Variants in BAIAP3 observed in about 807,000 individuals in gnomAD.
BAIAP3 encodes the protein BAI1 associated protein 3, also known as BAI1-associated protein 3.
In BAIAP3, 180 loss-of-function variants were observed where a neutral mutation model predicts 149.7. That is an observed-to-expected ratio of 1.20 (90% CI 1.07 to 1.36). BAIAP3 has a LOEUF of 1.36. Among genes scored for constraint, BAIAP3 ranks in the 40% most tolerant of loss-of-function variants. The pLI, the probability that BAIAP3 is intolerant of heterozygous loss-of-function variation, is 0.00. For missense variants in BAIAP3, 1,767 were observed against 1,563.4 expected (o/e 1.13, Z -2.20); for synonymous variants, 845 against 670.7 (o/e 1.26, Z -4.02).
Position 1,347,605 on chromosome 16 carries a change from T to C in BAIAP3, c.2884T>C (p.Tyr962His). ...CSTRECIEQFYLDKLKQRTLE... is the reference protein window; with the variant it reads ...CSTRECIEQFHLDKLKQRTLE... ...CACCCGCGAGTGCATCGAGCAGTTCTACCTGGACAAGCTCAAACAGGTAGG... is the reference window on the plus strand; with the variant it reads ...CACCCGCGAGTGCATCGAGCAGTTCCACCTGGACAAGCTCAAACAGGTAGG... Residue 962 changes from tyrosine to histidine, a missense_variant, in exon 30 of 34, where the codon TAC becomes CAC. Coordinates refer to ENST00000426824, the MANE Select transcript of BAIAP3 (RefSeq NM_001199097.2). The C allele has an allele frequency of 6.2e-7, 1 of 1,613,048 alleles. No individual in the cohort carries two copies. Among genetic ancestry groups the C allele is most frequent in the Non-Finnish European group, 8.5e-7 (1 of 1,179,962 alleles).
rs112778651 is a variant in BAIAP3, at chr16:1,337,874, C to G, written c.-10-666C>G. On this transcript the variant is annotated intron_variant, in intron 1 of 33. Coordinates refer to ENST00000426824, the MANE Select transcript of BAIAP3 (RefSeq NM_001199097.2). ...CCCTGCTTTGTGGGGACACTGCCCCCCACCTTCTACTGTCCACCTCAGGTT... is the reference window on the plus strand; with the variant it reads ...CCCTGCTTTGTGGGGACACTGCCCCGCACCTTCTACTGTCCACCTCAGGTT... Among the ~76,000 whole-genome samples the G allele has an allele frequency of 1.2e-4, 18 of 152,290 alleles. 1 individual carries two copies. The highest frequency in any genetic ancestry group is 4.3e-4 in the African/African-American group (18 of 41,564).
In BAIAP3 at chr16:1,341,504, C is replaced by A; in HGVS notation, c.731+15C>A. On this transcript the variant is annotated intron_variant, in intron 8 of 33. Transcript: ENST00000426824. Reference sequence around the variant, plus strand: ...CACTTCCTCTTGTGAGGCCCTCGCCCGTCTGGGTGCGGGAGGGGGGCTCTG... The same window carrying A: ...CACTTCCTCTTGTGAGGCCCTCGCCAGTCTGGGTGCGGGAGGGGGGCTCTG... The A allele has an allele frequency of 6.3e-7, 1 of 1,597,398 alleles. No individual in the cohort carries two copies. The highest frequency in any genetic ancestry group is 1.1e-5 in the South Asian group (1 of 89,948).
rs1268069344 is a variant in BAIAP3 at position 1,339,578 on chromosome 16, A to AGGCCCTGCTCAGCTATCTCC, written c.384_403dup (p.Gln135ArgfsTer25). The AGGCCCTGCTCAGCTATCTCC allele has an allele frequency of 6.2e-7, 1 of 1,612,486 alleles. No homozygotes were observed. Among genetic ancestry groups the AGGCCCTGCTCAGCTATCTCC allele is most frequent in the Admixed American group, 1.7e-5 (1 of 59,964 alleles). On this transcript the variant is annotated frameshift_variant, in exon 5 of 34. Coordinates refer to ENST00000426824, the MANE Select transcript of BAIAP3 (RefSeq NM_001199097.2). LOFTEE classifies it high-confidence loss of function. Reference sequence around the variant, plus strand: ...GGCCCTGACCAGGTGGACGACGAGGAGGCCCTGCTCAGCTATCTCCAGCAG... The same window carrying AGGCCCTGCTCAGCTATCTCC: ...GGCCCTGACCAGGTGGACGACGAGGAGGCCCTGCTCAGCTATCTCCGGCCCTGCTCAGCTATCTCCAGCAG...
chr16:1,337,309 A>G (rs1193834412), intron 1 of BAIAP3, among the ~76,000 whole-genome samples: 1 of 152,184 alleles, frequency 6.6e-6, no homozygotes, highest in African/African-American at 2.4e-5. Flanking sequence ...TGAGGTCAGG[A>G]GTTCAAGACC....
At chr16:1,337,492 G>C (rs1272419969) in intron 1 of BAIAP3, among the ~76,000 whole-genome samples, 2 of 152,232 alleles carry the variant, frequency 1.3e-5, no homozygotes, top group African/African-American at 4.8e-5. Flanking sequence ...CAACTCACTT[G>C]AACCTGGAGG....
At chr16:1,340,017 C>G (rs1264129430) in intron 5 of BAIAP3, among the ~76,000 whole-genome samples, 2 of 140,454 alleles carry the variant, frequency 1.4e-5, no homozygotes, top group Non-Finnish European at 3.0e-5. Context: ...ACACAGGCTG[C>G]AGGTGCACAC....
At position 1,345,787 on chromosome 16, in the gene BAIAP3, C is replaced by T. The variant is rs955639820; in HGVS notation, c.2105C>T (p.Ala702Val). 6.4e-7 allele frequency: 1 copy of T among 1,568,048 alleles called. No individual in the cohort carries two copies. The highest frequency in any genetic ancestry group is 8.6e-7 in the Non-Finnish European group (1 of 1,162,180). Residue 702 changes from alanine to valine, a missense_variant, in exon 23 of 34, where the codon GCA becomes GTA. Coordinates refer to ENST00000426824, the MANE Select transcript of BAIAP3 (RefSeq NM_001199097.2). ...VDASSRHSSSAATAGLCLSHI... is the reference protein window; with the variant it reads ...VDASSRHSSSVATAGLCLSHI... ...GCCTCCTCCAGGCACAGCAGCTCCGCAGCCACTGCTGGTCTCTGCCTCAGC... is the reference window on the plus strand; with the variant it reads ...GCCTCCTCCAGGCACAGCAGCTCCGTAGCCACTGCTGGTCTCTGCCTCAGC...
At chr16:1,336,169 T>G in intron 1 of BAIAP3, 1 of 979,744 alleles carries the variant, frequency 1.0e-6, no homozygotes, top group Non-Finnish European at 1.2e-6. Context: ...GCGGTTGCCC[T>G]GGCAACAGCT....
chr16:1,340,219 GAC>G (rs1303496557), intron 5 of BAIAP3, among the ~76,000 whole-genome samples: 8 of 98,048 alleles, frequency 8.2e-5, no homozygotes, highest in Admixed American at 2.2e-4. Context: ...GGTGCACACA[GAC>G]ACACACACAG....
rs755171757 is a variant in BAIAP3 at position 1,342,571 on chromosome 16, A to T, written c.1002A>T (p.Pro334=). Residue 334 remains proline (P), a synonymous_variant, in exon 12 of 34, where the codon CCA becomes CCT. Transcript: ENST00000426824. ...AGVDRWFKLE[P]RSSASRVQGH... ...TCGACCGCTGGTTCAAGCTGGAGCC[A>T]CGCTCCAGTGCCTCGCGTGTGCAGG... 9.0e-6 allele frequency: 14 copies of T among 1,559,538 alleles called. No homozygotes were observed. The East Asian group carries it at 3.1e-4, about 35-fold the overall frequency.
At chr16:1,343,118 G>A in intron 14 of BAIAP3, 102 bp downstream of exon 14, 1 of 1,228,792 alleles carries the variant, frequency 8.1e-7, no homozygotes. Context: ...TGGGAGGGTG[G>A]GGCAGGGAAA....
At chr16:1,341,584 G>A (rs555941989) in intron 8 of BAIAP3, 95 bp downstream of exon 8, 74 of 1,444,300 alleles carry the variant, frequency 5.1e-5, no homozygotes, top group Middle Eastern at 5.0e-4. Flanking sequence ...AGCAGCTCCC[G>A]GTCTCTTTGG....
Position 1,346,495 on chromosome 16 carries a change from C to T in BAIAP3, c.2547C>T (p.Ser849=). Residue 849 remains serine, a synonymous_variant, in exon 26 of 34, where the codon TCC becomes TCT. Transcript: ENST00000426824. ...AGCACATCAGTCTCTCGCCTGACTCCATCCAGAACGATGAGGTGAGTGCCG... is the reference window on the plus strand; with the variant it reads ...AGCACATCAGTCTCTCGCCTGACTCTATCCAGAACGATGAGGTGAGTGCCG... ...YVQHISLSPD[S]IQNDEAVAPL... is the part of the protein sequence containing the mutation. 1 of 1,611,476 alleles carries T rather than the reference C, an allele frequency of 6.2e-7. No individual in the cohort carries two copies. Among genetic ancestry groups the T allele is most frequent in the East Asian group, 2.2e-5 (1 of 44,828 alleles).
chr16:1,343,347 GC>G, intron 14 of BAIAP3, 45 bp from the exon 15 acceptor site: 2 of 1,562,312 alleles, frequency 1.3e-6, no homozygotes, highest in South Asian at 1.2e-5. Flanking sequence ...AGTGGGCATG[GC>G]AGGGGCGGGG....
chr16:1,335,964 G>A (rs575835436), intron 1 of BAIAP3, among the ~76,000 whole-genome samples: 7 of 152,340 alleles, frequency 4.6e-5, no homozygotes, highest in South Asian at 2.1e-4. Flanking sequence ...CTCTCGGGCC[G>A]CTCTGGGGAT....
In BAIAP3 at chr16:1,346,276, C is replaced by T. The variant is rs1242995229; in HGVS notation, c.2408C>T (p.Pro803Leu). The change falls in exon 25 of 34, where the codon CCC (proline) becomes CTC (leucine). Residue 803 changes from proline to leucine, a missense_variant. Pro to Leu is a moderately conservative substitution (Grantham distance 98). Coordinates refer to ENST00000426824, the MANE Select transcript of BAIAP3 (RefSeq NM_001199097.2). ...EGATGPEGVL[P>L]RPLLSCTQAL... ...GCCACGGGGCCCGAGGGGGTGCTCC[C>T]CCGCCCTCTGCTCAGCTGCACACAG... 1 of 1,608,940 alleles carries T rather than the reference C, an allele frequency of 6.2e-7. No homozygotes were observed. The highest frequency in any genetic ancestry group is 1.3e-5 in the African/African-American group (1 of 74,864).
rs758158159 is a variant in BAIAP3, at chr16:1,341,181, C to A, written c.521C>A (p.Ala174Asp). ...VSVMRAKNLLAKDPNGFSDPY... is the reference protein window; with the variant it reads ...VSVMRAKNLLDKDPNGFSDPY... ...GTCATGCGTGCCAAGAACCTTCTGG[C>A]CAAGGACCCCAACGGTGAGTGGGGA... is the stretch of plus-strand genomic sequence containing the variant. Residue 174 changes from alanine to aspartate, a missense_variant, in exon 7 of 34, where the codon GCC (alanine) becomes GAC (aspartate). Coordinates refer to ENST00000426824, the MANE Select transcript of BAIAP3 (RefSeq NM_001199097.2). The A allele has an allele frequency of 6.2e-7, 1 of 1,612,626 alleles. No homozygotes were observed. The highest frequency in any genetic ancestry group is 1.1e-5 in the South Asian group (1 of 91,032).
chr16:1,345,243 C>A lies in BAIAP3; in HGVS notation c.1941-6C>A, dbSNP rs919073962. The A allele has an allele frequency of 1.9e-6, 3 of 1,612,566 alleles. No homozygotes were observed. Among genetic ancestry groups the A allele is most frequent in the Non-Finnish European group, 2.5e-6 (3 of 1,179,762 alleles). ...GGGCCGAGCCCTCACAACCCTCCCA[C>A]CACAGGGACAGCCGCTCTCTGGCCC... On this transcript the variant is annotated splice_polypyrimidine_tract_variant and splice_region_variant and intron_variant, in intron 21 of 33. Transcript: ENST00000426824.
chr16:1,347,143 T>A (rs1158540082), intron 28 of BAIAP3, 155 bp from the exon 29 acceptor site: 17 of 927,430 alleles, frequency 1.8e-5, no homozygotes, highest in Non-Finnish European at 2.7e-5. Context: ...CCACGCTTCC[T>A]GGGAGCTTCC....
Sources: gnomAD v4.1 joint callset for allele counts (sites outside exome capture counted in the v4.1 genomes callset) on GRCh38, gnomAD v4.1.1 for gene constraint, MANE v1.5 for transcripts, NCBI Gene and HGNC (gene_info 2026-07-23, HGNC 2026-07-21) for gene names.